Variants in PITPNA observed in about 807,000 individuals in gnomAD.
PITPNA encodes phosphatidylinositol transfer protein alpha, also known as phosphatidylinositol transfer protein alpha isoform.
In PITPNA, 13 loss-of-function variants were observed where a neutral mutation model predicts 50.3. The ratio of observed to expected loss-of-function variants is 0.26; its 90% CI spans 0.17 to 0.41. The LOEUF (loss-of-function observed/expected upper bound fraction) is 0.41. PITPNA is among the 10% of genes least tolerant of loss of function. The pLI is 1.00. For synonymous variants in PITPNA, 120 were observed against 119.6 expected (o/e 1.00, Z -0.02); for missense variants, 207 against 333.4 (o/e 0.62, Z 2.95).
intron 2 of PITPNA, among the ~76,000 whole-genome samples, chr17:1,553,833 C>T (rs2075721863): frequency 6.6e-6 from 1 of 152,204 alleles, no homozygotes; most frequent in Non-Finnish European, 1.5e-5. Context: ...CCTCACCCCG[C>T]AAGTAGCTCT....
intron 6 of PITPNA, among the ~76,000 whole-genome samples, chr17:1,540,889 G>A (rs770512744): frequency 7.9e-5 from 12 of 151,924 alleles, no homozygotes; most frequent in African/African-American, 1.7e-4. Context: ...CCGGTCTAAC[G>A]GGCTCTTATG....
chr17:1,561,109 T>A (rs902466559), intron 1 of PITPNA: 12 of 152,042 alleles, frequency 7.9e-5, no homozygotes, highest in African/African-American at 2.9e-4. Context: ...AGTTTCACTG[T>A]AAATTCTGTG....
At chr17:1,527,381 T>C (rs2075553873) in intron 10 of PITPNA, among the ~76,000 whole-genome samples, 1 of 152,136 alleles carries the variant, frequency 6.6e-6, no homozygotes, top group Non-Finnish European at 1.5e-5. Flanking sequence ...GTAGCTGGGA[T>C]TGCAGGCGTG....
intron 10 of PITPNA, among the ~76,000 whole-genome samples, chr17:1,527,220 T>C (rs17220754): frequency 0.094 from 14,257 of 152,002 alleles, 832 homozygotes; most frequent in East Asian, 0.14. Flanking sequence ...TATGTGAAAA[T>C]AGGAAAATAG....
intron 10 of PITPNA, among the ~76,000 whole-genome samples, chr17:1,526,286 C>T (rs146423595): frequency 5.5e-4 from 84 of 152,356 alleles, no homozygotes; most frequent in African/African-American, 2.0e-3. Context: ...ATAACCTCCA[C>T]AAACGCCAAA....
At chr17:1,529,137 C>CAAAA (rs67568232) in intron 10 of PITPNA, among the ~76,000 whole-genome samples, 2 of 91,054 alleles carry the variant, frequency 2.2e-5, no homozygotes, top group Admixed American at 2.6e-4. Context: ...GACTCCATCT[C>CAAAA]AAAAAAAAAA....
chr17:1,559,654 A>C, intron 1 of PITPNA: 1 of 426,594 alleles, frequency 2.3e-6, no homozygotes, highest in Non-Finnish European at 3.1e-6. Context: ...CCGGCTCACC[A>C]CTCAGGCTCC....
At chr17:1,533,890 C>G (rs1018323599) in intron 10 of PITPNA, among the ~76,000 whole-genome samples, 4 of 152,138 alleles carry the variant, frequency 2.6e-5, no homozygotes, top group Non-Finnish European at 5.9e-5. Flanking sequence ...TGTGGGTATG[C>G]CAAGACTTCA....
rs536656335 is a variant in PITPNA, at chr17:1,519,541, C to T, written c.*1020G>A. ...GCAACTGGAGACGAGGGAACATGTT[C>T]TGCTGGAAAAAGCTTTTTGCATGCT... On this transcript the variant is annotated 3_prime_UTR_variant, in exon 12 of 12. Transcript: ENST00000313486. The T allele has an allele frequency of 6.5e-6, 1 of 152,806 alleles. No individual in the cohort carries two copies. Among genetic ancestry groups the T allele is most frequent in the East Asian group, 1.9e-4 (1 of 5,190 alleles). 9.5% of individuals were successfully genotyped at this position (152,806 alleles called of 1,614,324 possible).
chr17:1,545,877 TG>T (rs2151010398), intron 4 of PITPNA, among the ~76,000 whole-genome samples: 1 of 151,360 alleles, frequency 6.6e-6, no homozygotes, highest in African/African-American at 2.4e-5. Flanking sequence ...AATCCACCTT[TG>T]GCCCTAGACC....
Position 1,529,639 on chromosome 17 carries a change from GA to G in PITPNA, c.768+4459del, listed in dbSNP as rs772703038. Among the ~76,000 whole-genome samples, 320 of 152,078 alleles carry G rather than the reference GA, an allele frequency of 2.1e-3. 4 individuals are homozygous for G. Among genetic ancestry groups the G allele is most frequent in the Admixed American group, 2.4e-3 (36 of 15,258 alleles). ...GGAGGCTGAGGCGGGTGGGTCACCTGAGCTCAGGAGTTCCAGACCAGCCCGG... is the reference window on the plus strand; with the variant it reads ...GGAGGCTGAGGCGGGTGGGTCACCTGGCTCAGGAGTTCCAGACCAGCCCGG... On this transcript the variant is annotated intron_variant, in intron 10 of 11. Transcript: ENST00000313486.
At chr17:1,536,482 G>T (rs888184583) in intron 7 of PITPNA, among the ~76,000 whole-genome samples, 1 of 151,888 alleles carries the variant, frequency 6.6e-6, no homozygotes, top group African/African-American at 2.4e-5. Flanking sequence ...GTAGAGACGG[G>T]GTTTCACCGT....
chr17:1,526,102 T>C (rs1198742487), intron 10 of PITPNA, among the ~76,000 whole-genome samples: 1 of 152,110 alleles, frequency 6.6e-6, no homozygotes, highest in Non-Finnish European at 1.5e-5. Flanking sequence ...CAGAACACCT[T>C]GTGCTTCAAG....
chr17:1,538,709 A>T (rs2075631928), intron 7 of PITPNA, 160 bp downstream of exon 7: 2 of 542,268 alleles, frequency 3.7e-6, no homozygotes, highest in Non-Finnish European at 6.5e-6. Context: ...TCCCCAACTC[A>T]AGACAAGAAA....
At chr17:1,542,182 A>T (rs2075651374) in intron 5 of PITPNA, among the ~76,000 whole-genome samples, 1 of 152,020 alleles carries the variant, frequency 6.6e-6, no homozygotes, top group Admixed American at 6.6e-5. Flanking sequence ...TCTAGGAAAC[A>T]ACAGCAAGAC....
intron 2 of PITPNA, among the ~76,000 whole-genome samples, chr17:1,557,652 A>G (rs1567588417): frequency 6.6e-6 from 1 of 152,202 alleles, no homozygotes; most frequent in Non-Finnish European, 1.5e-5. Flanking sequence ...AGCATGGCCT[A>G]TGAACCTTCT....
At chr17:1,534,321 G>A in intron 9 of PITPNA, 100 bp from the exon 10 acceptor site, 2 of 1,439,138 alleles carry the variant, frequency 1.4e-6, no homozygotes, top group South Asian at 2.3e-5. Context: ...ACTAGACTGG[G>A]GACGGGCGGA....
At chr17:1,538,043 G>A (rs774510698) in intron 7 of PITPNA, among the ~76,000 whole-genome samples, 2 of 152,036 alleles carry the variant, frequency 1.3e-5, no homozygotes, top group African/African-American at 2.4e-5. Flanking sequence ...TCAGATGATC[G>A]GTCACCTTGG....
At chr17:1,551,308 G>C (rs1053854787) in intron 3 of PITPNA, among the ~76,000 whole-genome samples, 3 of 148,294 alleles carry the variant, frequency 2.0e-5, no homozygotes, top group African/African-American at 7.5e-5. Context: ...TTTTGTAAGA[G>C]ACAGGCGGGA....
Sources: gnomAD v4.1 joint callset for allele counts (sites outside exome capture counted in the v4.1 genomes callset) on GRCh38, gnomAD v4.1.1 for gene constraint, MANE v1.5 for transcripts, NCBI Gene and HGNC (gene_info 2026-07-23, HGNC 2026-07-21) for gene names.